Variants in ERGIC2 observed in about 807,000 individuals in gnomAD.
The protein encoded by ERGIC2 is ERGIC and golgi 2.
A neutral mutation model predicts 52.5 loss-of-function variants in ERGIC2; 31 were observed. The ratio of observed to expected loss-of-function variants is 0.59; its 90% CI spans 0.44 to 0.80. ERGIC2 has a LOEUF of 0.80. ERGIC2 is among the 30% of genes least tolerant of loss of function. The pLI, the probability that ERGIC2 is intolerant of heterozygous loss-of-function variation, is 0.00. For synonymous variants in ERGIC2, 129 were observed against 140.6 expected, an observed-to-expected ratio of 0.92 and a Z score of 0.58; for missense variants, 395 against 455.2, an observed-to-expected ratio of 0.87 and a Z score of 1.20.
rs555594707 is a variant in ERGIC2 at position 29,339,820 on chromosome 12, T to C, written c.*1336A>G. ...TATCCTGTTTTCTAAAACCACTATT[T>C]TAAATCTAGTTTTTCAGTCTTGTTA... On this transcript the variant is annotated 3_prime_UTR_variant, in exon 14 of 14. Coordinates refer to ENST00000360150, the MANE Select transcript of ERGIC2 (RefSeq NM_016570.3). 1.3e-5 allele frequency: 2 copies of C among 152,294 alleles called. No homozygotes were observed. Among genetic ancestry groups the C allele is most frequent in the Admixed American group, 1.3e-4 (2 of 15,304 alleles). The allele number at this position is 152,294 out of a possible 1,614,324, so 9.4% of individuals were successfully genotyped here.
intron 8 of ERGIC2, among the ~76,000 whole-genome samples, chr12:29,355,872 CTTTTG>C (rs1217417639): frequency 2.0e-5 from 3 of 152,030 alleles, no homozygotes; most frequent in African/African-American, 4.8e-5. Flanking sequence ...GACTGTTTTA[CTTTTG>C]TTTTGAAGTA....
At chr12:29,370,819 T>A (rs1940430995) in intron 2 of ERGIC2, among the ~76,000 whole-genome samples, 1 of 152,050 alleles carries the variant, frequency 6.6e-6, no homozygotes, top group Admixed American at 6.6e-5. Context: ...ATATATCACC[T>A]CATTCACAGA....
At chr12:29,379,257 T>G (rs1940554789) in intron 1 of ERGIC2, among the ~76,000 whole-genome samples, 1 of 152,144 alleles carries the variant, frequency 6.6e-6, no homozygotes. Context: ...GAAATATATT[T>G]ACAATAGAAT....
At chr12:29,352,492 G>C (rs1231070258) in intron 8 of ERGIC2, among the ~76,000 whole-genome samples, 1 of 151,928 alleles carries the variant, frequency 6.6e-6, no homozygotes, top group East Asian at 1.9e-4. Flanking sequence ...GTGAAACCCT[G>C]TCTCTACTAA....
chr12:29,342,421 T>C (rs1397480773), intron 12 of ERGIC2, among the ~76,000 whole-genome samples: 1 of 152,172 alleles, frequency 6.6e-6, no homozygotes, highest in African/African-American at 2.4e-5. Flanking sequence ...ACAAAGAATT[T>C]CGAAAGAAAA....
chr12:29,354,493 C>T lies in ERGIC2; in HGVS notation c.572+1889G>A, dbSNP rs531262690. Among the ~76,000 whole-genome samples, 5 of 152,302 alleles carry T rather than the reference C, an allele frequency of 3.3e-5. No individual in the cohort carries two copies. The East Asian group carries it at 9.7e-4, about 29-fold the overall frequency. On this transcript the variant is annotated intron_variant, in intron 8 of 13. Coordinates refer to ENST00000360150, the MANE Select transcript of ERGIC2 (RefSeq NM_016570.3). Reference sequence around the variant, plus strand: ...ATTCACGCTCAAGCATATTGAAATACATATTGTGTTACAAATTATGTTCCT... The same window carrying T: ...ATTCACGCTCAAGCATATTGAAATATATATTGTGTTACAAATTATGTTCCT...
Position 29,343,124 on chromosome 12 carries a change from T to G in ERGIC2, c.984A>C (p.Thr328=). The G allele has an allele frequency of 1.3e-6, 2 of 1,590,900 alleles. No individual in the cohort carries two copies. Among genetic ancestry groups the G allele is most frequent in the Non-Finnish European group, 1.7e-6 (2 of 1,168,246 alleles). ...AAAAAGGAAATGGTTGTTAACCTGT[T>G]GTTGAAAAGATTCCTCCAACAATAC... ...LCGIVGGIFS[T]TGMLHGIGKF... is the part of the protein sequence containing the mutation. The change falls in exon 12 of 14, where the codon ACA becomes ACC. Residue 328 remains threonine (T), a synonymous_variant. Transcript: ENST00000360150.
intron 1 of ERGIC2, among the ~76,000 whole-genome samples, chr12:29,373,761 A>G (rs776481950): frequency 6.6e-6 from 1 of 152,172 alleles, no homozygotes; most frequent in African/African-American, 2.4e-5. Context: ...CCATGCACTT[A>G]GTATTCGAAA....
In ERGIC2 at chr12:29,339,504, T is replaced by C. The variant is rs1433698218; in HGVS notation, c.*1652A>G. 2 of 152,128 alleles carry C rather than the reference T, an allele frequency of 1.3e-5. No individual in the cohort carries two copies. The highest frequency in any genetic ancestry group is 2.9e-5 in the Non-Finnish European group (2 of 67,998). The allele number at this position is 152,128 out of a possible 1,614,324, so 9.4% of individuals were successfully genotyped here. A position where few individuals can be genotyped will look rare whatever the true frequency, so the allele number is the denominator to read the frequency against. On this transcript the variant is annotated 3_prime_UTR_variant, in exon 14 of 14. Coordinates refer to ENST00000360150, the MANE Select transcript of ERGIC2 (RefSeq NM_016570.3). ...TATAGCCAAACTTTGTTGGAAATAA[T>C]TTGAAGAAAAAAAATTAAAACCTAG... is the stretch of plus-strand genomic sequence containing the variant.
intron 8 of ERGIC2, among the ~76,000 whole-genome samples, chr12:29,354,845 C>T (rs986886667): frequency 2.0e-5 from 3 of 152,064 alleles, no homozygotes; most frequent in Non-Finnish European, 4.4e-5. Context: ...TTGTTTGTAT[C>T]CAAAGGTGCA....
intron 3 of ERGIC2, among the ~76,000 whole-genome samples, chr12:29,369,453 T>C (rs1423051475): frequency 2.7e-4 from 41 of 152,096 alleles, no homozygotes; most frequent in Non-Finnish European, 7.4e-5. Flanking sequence ...GATACTATAA[T>C]TGCTGTCTGT....
At chr12:29,346,225 A>G (rs1283731598) in intron 10 of ERGIC2, among the ~76,000 whole-genome samples, 3 of 149,770 alleles carry the variant, frequency 2.0e-5, no homozygotes, top group Non-Finnish European at 4.4e-5. Context: ...GTCTCACTCC[A>G]TCGCCCAGGC....
intron 6 of ERGIC2, among the ~76,000 whole-genome samples, chr12:29,359,060 T>C (rs1326479429): frequency 6.6e-6 from 1 of 152,064 alleles, no homozygotes; most frequent in Admixed American, 6.5e-5. Context: ...TTTAAATCTC[T>C]TAGAAAATTC....
chr12:29,345,771 C>T (rs933243463), intron 10 of ERGIC2, among the ~76,000 whole-genome samples: 1 of 151,848 alleles, frequency 6.6e-6, no homozygotes, highest in Non-Finnish European at 1.5e-5. Context: ...GAGAGCCAGA[C>T]CCTGTCTCTA....
rs10843392 is a variant in ERGIC2 at position 29,357,616 on chromosome 12, A to C, written c.476+7T>G. On this transcript the variant is annotated splice_region_variant and intron_variant, in intron 7 of 13. Transcript: ENST00000360150. Reference sequence around the variant, plus strand: ...AAACAGTTGCACATTTAAAATACAGATCTCACCTTGGTGGAAGAGCTGTTG... The same window carrying C: ...AAACAGTTGCACATTTAAAATACAGCTCTCACCTTGGTGGAAGAGCTGTTG... The C allele has an allele frequency of 6.0e-3, 8,548 of 1,414,622 alleles. 249 individuals are homozygous for C. The African/African-American group carries it at 0.069, about 11-fold the overall frequency. 87.6% of individuals were successfully genotyped at this position (1,414,622 alleles called of 1,614,324 possible).
At chr12:29,344,490 A>C (rs1165448735) in intron 11 of ERGIC2, among the ~76,000 whole-genome samples, 1 of 152,168 alleles carries the variant, frequency 6.6e-6, no homozygotes, top group Non-Finnish European at 1.5e-5. Flanking sequence ...GAAATGTTGA[A>C]AAGCACAATA....
intron 10 of ERGIC2, among the ~76,000 whole-genome samples, chr12:29,346,741 G>A (rs1316322765): frequency 2.0e-5 from 3 of 152,114 alleles, no homozygotes; most frequent in African/African-American, 7.2e-5. Flanking sequence ...GCATCTCTAA[G>A]TTTGACACAA....
chr12:29,355,582 G>A (rs1940192115), intron 8 of ERGIC2, among the ~76,000 whole-genome samples: 1 of 152,118 alleles, frequency 6.6e-6, no homozygotes, highest in South Asian at 2.1e-4. Flanking sequence ...TGTGCTGAGT[G>A]CTGCTCATAT....
intron 8 of ERGIC2, among the ~76,000 whole-genome samples, chr12:29,355,307 G>A (rs1227505614): frequency 6.6e-6 from 1 of 152,130 alleles, no homozygotes; most frequent in East Asian, 1.9e-4. Flanking sequence ...CTTATAGAAT[G>A]TCAGGCCTAT....
Sources: allele counts gnomAD v4.1 joint callset (sites outside exome capture counted in the v4.1 genomes callset), GRCh38; gene constraint gnomAD v4.1.1; transcripts MANE v1.5; gene names NCBI Gene and HGNC (gene_info 2026-07-23, HGNC 2026-07-21).